The following TMPRSS7 variants were observed in gnomAD, a reference collection of about 807,000 sequenced individuals.
The protein encoded by TMPRSS7 is transmembrane serine protease 7.
TMPRSS7 carries 81 observed loss-of-function variants against 95.6 expected under a neutral mutation model. That is an observed-to-expected ratio of 0.85 (90% CI 0.71 to 1.02). TMPRSS7 has a LOEUF of 1.02. Ranked by LOEUF, TMPRSS7 falls within the 50% of genes least tolerant of loss-of-function variation. TMPRSS7 has a pLI of 0.00. For synonymous variants in TMPRSS7, 364 were observed against 337.8 expected (o/e 1.08, Z -0.85); for missense variants, 945 against 955.2 (o/e 0.99, Z 0.14).
intron 5 of TMPRSS7, 153 bp from the exon 6 acceptor site, chr3:112,046,818 GAAC>G: frequency 1.6e-6 from 1 of 612,588 alleles, no homozygotes; most frequent in Non-Finnish European, 2.9e-6. Flanking sequence ...CTAAATACCT[GAAC>G]AACTACCTCA....
At chr3:112,074,263 A>C (rs201392669) in intron 13 of TMPRSS7, 33 bp from the exon 14 acceptor site, 21 of 1,495,900 alleles carry the variant, frequency 1.4e-5, no homozygotes, top group Non-Finnish European at 2.0e-5. Context: ...TTTCTGGCTA[A>C]GGAAAGCTGT....
intron 9 of TMPRSS7, 42 bp from the exon 10 acceptor site, chr3:112,056,983 T>G (rs538519296): frequency 7.1e-7 from 1 of 1,399,420 alleles, no homozygotes. Flanking sequence ...ATACATACTT[T>G]GATTGAAGCA....
intron 13 of TMPRSS7, among the ~76,000 whole-genome samples, chr3:112,071,533 C>T (rs2073646134): frequency 6.6e-6 from 1 of 152,220 alleles, no homozygotes; most frequent in Non-Finnish European, 1.5e-5. Flanking sequence ...TAATATCCTG[C>T]AGAGTGTTTT....
At chr3:112,041,546 A>G (rs1329377934) in intron 2 of TMPRSS7, among the ~76,000 whole-genome samples, 1 of 152,044 alleles carries the variant, frequency 6.6e-6, no homozygotes, top group Admixed American at 6.6e-5. Context: ...TCCCTGCATT[A>G]GGGGCTGAGG....
At chr3:112,056,274 T>G (rs1374982176) in intron 9 of TMPRSS7, among the ~76,000 whole-genome samples, 3 of 152,218 alleles carry the variant, frequency 2.0e-5, no homozygotes, top group Non-Finnish European at 2.9e-5. Flanking sequence ...TTTAAGGCAC[T>G]ATAAATGATA....
chr3:112,080,533 TACTACTACTACTACC>T (rs1405232482), intron 17 of TMPRSS7, among the ~76,000 whole-genome samples: 3 of 132,026 alleles, frequency 2.3e-5, no homozygotes, highest in South Asian at 5.2e-4. Flanking sequence ...CCCTCACTAC[TACTACTACTACTACC>T]ACCACTACTA....
chr3:112,071,754 T>C (rs1559962962), intron 13 of TMPRSS7, among the ~76,000 whole-genome samples: 1 of 152,230 alleles, frequency 6.6e-6, no homozygotes, highest in Non-Finnish European at 1.5e-5. Flanking sequence ...CTGAAGCTTG[T>C]GCATGTGTCA....
Position 112,063,345 on chromosome 3 carries a change from G to A in TMPRSS7, c.1448-180G>A, listed in dbSNP as rs6787297. 0.031 allele frequency among the ~76,000 whole-genome samples: 4,729 copies of A among 152,266 alleles called. 213 individuals are homozygous for A. Among genetic ancestry groups the A allele is most frequent in the African/African-American group, 0.092 (3,837 of 41,538 alleles). ...ATACTGCTTTCTTCTTTGCTCTTCT[G>A]TGTTCCGCTTTTTTGTCTTTCAATG... On this transcript the variant is annotated intron_variant, in intron 11 of 17. Transcript: ENST00000452346.
rs146059458 is a variant in TMPRSS7 at position 112,060,962 on chromosome 3, C to A, written c.1311-825C>A. On this transcript the variant is annotated intron_variant, in intron 10 of 17. Transcript: ENST00000452346. The stretch of plus-strand genomic sequence containing the variant: ...ATGTCCATGAAATCTTCAGAATCCA[C>A]GTTCTTCTGCCATGGCTTCAGCCGG... Among the ~76,000 whole-genome samples, 841 of 152,294 alleles carry A rather than the reference C, an allele frequency of 5.5e-3. 5 individuals are homozygous for A. The highest frequency in any genetic ancestry group is 7.1e-3 in the Non-Finnish European group (486 of 68,020).
At chr3:112,070,110 T>C (rs183307357) in intron 13 of TMPRSS7, among the ~76,000 whole-genome samples, 4 of 152,366 alleles carry the variant, frequency 2.6e-5, no homozygotes, top group African/African-American at 7.2e-5. Flanking sequence ...AGGAGCAGGT[T>C]ATGCAGTTTC....
At chr3:112,066,049 G>C (rs1366766258) in intron 12 of TMPRSS7, among the ~76,000 whole-genome samples, 1 of 152,158 alleles carries the variant, frequency 6.6e-6, no homozygotes, top group Non-Finnish European at 1.5e-5. Flanking sequence ...CTCTTATTTT[G>C]CTTCAGAAGG....
chr3:112,038,047 C>T (rs1440317159), intron 1 of TMPRSS7, 25 bp from the exon 2 acceptor site: 2 of 700,694 alleles, frequency 2.9e-6, no homozygotes, highest in African/African-American at 1.8e-5. Context: ...TACTTGGTAA[C>T]ATATCTTATT....
intron 17 of TMPRSS7, among the ~76,000 whole-genome samples, chr3:112,080,268 T>G (rs997134682): frequency 1.3e-5 from 2 of 152,236 alleles, no homozygotes; most frequent in African/African-American, 4.8e-5. Flanking sequence ...GGAATTGAGA[T>G]ATCAGAAAGG....
At chr3:112,067,880 G>A (rs940641533) in intron 13 of TMPRSS7, among the ~76,000 whole-genome samples, 9 of 152,116 alleles carry the variant, frequency 5.9e-5, no homozygotes, top group African/African-American at 2.2e-4. Flanking sequence ...ATTGCTTTTG[G>A]TGTTTTAGTC....
intron 10 of TMPRSS7, 54 bp downstream of exon 10, chr3:112,057,185 G>A: frequency 1.5e-6 from 2 of 1,293,266 alleles, no homozygotes; most frequent in Non-Finnish European, 2.2e-6. Flanking sequence ...AAAGTTCATA[G>A]CTGTGTGTTC....
intron 1 of TMPRSS7, among the ~76,000 whole-genome samples, chr3:112,037,069 A>G (rs1490544548): frequency 6.6e-6 from 1 of 152,210 alleles, no homozygotes; most frequent in Admixed American, 6.5e-5. Context: ...TTCGTAAAGC[A>G]TGTGTGTTTG....
At chr3:112,064,203 C>G (rs1156978165) in intron 12 of TMPRSS7, among the ~76,000 whole-genome samples, 1 of 152,140 alleles carries the variant, frequency 6.6e-6, no homozygotes, top group Non-Finnish European at 1.5e-5. Flanking sequence ...ATCTTAAACA[C>G]CGAAATCCTG....
intron 17 of TMPRSS7, among the ~76,000 whole-genome samples, chr3:112,080,486 G>A (rs1379502408): frequency 6.6e-6 from 1 of 151,570 alleles, no homozygotes; most frequent in African/African-American, 2.4e-5. Context: ...GTCTCTAAAC[G>A]ATTCTTAGCA....
At chr3:112,055,328 A>C (rs999666048) in intron 9 of TMPRSS7, among the ~76,000 whole-genome samples, 2 of 152,240 alleles carry the variant, frequency 1.3e-5, no homozygotes, top group East Asian at 3.9e-4. Context: ...CTACCTGCAC[A>C]ACAGGGTTGT....
Sources: allele counts gnomAD v4.1 joint callset (sites outside exome capture counted in the v4.1 genomes callset), GRCh38; gene constraint gnomAD v4.1.1; transcripts MANE v1.5; gene names NCBI Gene and HGNC (gene_info 2026-07-23, HGNC 2026-07-21).